The following PRDM5 variants were observed in gnomAD, a reference collection of about 807,000 sequenced individuals.
The protein encoded by PRDM5 is PR/SET domain 5.
A neutral mutation model predicts 81.2 loss-of-function variants in PRDM5; 56 were observed. The ratio of observed to expected loss-of-function variants is 0.69; its 90% CI spans 0.56 to 0.86. The LOEUF is 0.86. Among genes scored for constraint, PRDM5 ranks in the 40% least tolerant of loss-of-function variants. The pLI, the probability that PRDM5 is intolerant of heterozygous loss-of-function variation, is 0.00. For synonymous variants in PRDM5, 267 were observed against 256.4 expected (o/e 1.04, Z -0.39); for missense variants, 697 against 770.1 (o/e 0.91, Z 1.12).
intron 6 of PRDM5, 77 bp from the exon 7 acceptor site, chr4:120,816,651 T>C: frequency 6.3e-7 from 1 of 1,593,986 alleles, no homozygotes; most frequent in Non-Finnish European, 8.6e-7. Context: ...CAGCAAGATT[T>C]TGTAATACAT....
intron 3 of PRDM5, among the ~76,000 whole-genome samples, chr4:120,835,824 A>G (rs1003303006): frequency 6.6e-6 from 1 of 152,086 alleles, no homozygotes; most frequent in African/African-American, 2.4e-5. Context: ...AGGCGAAAGA[A>G]AAAAAAAGTG....
chr4:120,796,130 G>A (rs952816018), intron 10 of PRDM5, among the ~76,000 whole-genome samples: 3 of 151,998 alleles, frequency 2.0e-5, no homozygotes, highest in Non-Finnish European at 4.4e-5. Flanking sequence ...GACTCTTAAC[G>A]TTTTTTTCTA....
chr4:120,901,233 G>C (rs1160934117), intron 2 of PRDM5, among the ~76,000 whole-genome samples: 1 of 152,100 alleles, frequency 6.6e-6, no homozygotes, highest in African/African-American at 2.4e-5. Context: ...CCCTCACCCT[G>C]TTCCCACCAT....
chr4:120,754,707 C>T lies in PRDM5; in HGVS notation c.1538-69G>A, dbSNP rs1450126525. 22 of 1,084,290 alleles carry T rather than the reference C, an allele frequency of 2.0e-5. No homozygotes were observed. In the East Asian group the frequency reaches 5.2e-4, roughly 26 times the overall value. The allele number at this position is 1,084,290 out of a possible 1,614,324, so 67.2% of individuals were successfully genotyped here. On this transcript the variant is annotated intron_variant, in intron 13 of 15. Transcript: ENST00000264808. ...CAGAACCAGTCCTGTGCTATCACTT[C>T]TCACACACTCAGATCCTGGCCACCG... is the stretch of plus-strand genomic sequence containing the variant.
intron 14 of PRDM5, among the ~76,000 whole-genome samples, chr4:120,747,536 A>G (rs1285206448): frequency 6.6e-6 from 1 of 152,128 alleles, no homozygotes; most frequent in Non-Finnish European, 1.5e-5. Context: ...GATAAATTCA[A>G]AAGCGTCTGA....
In PRDM5 at chr4:120,781,186, T is replaced by C. The variant is rs779087603; in HGVS notation, c.1400A>G (p.Asn467Ser). ...RHKKYRCELCNKAFVTPSVLR... is the reference protein window; with the variant it reads ...RHKKYRCELCSKAFVTPSVLR... ...CACTGAAGGTGTAACAAAGGCCTTATTACATAGCTCACACCTATACTTCTT... is the reference window on the plus strand; with the variant it reads ...CACTGAAGGTGTAACAAAGGCCTTACTACATAGCTCACACCTATACTTCTT... The change falls in exon 12 of 16, where the codon AAT becomes AGT. Residue 467 changes from asparagine to serine, a missense_variant. Asn to Ser is a conservative substitution (Grantham distance 46). This residue lies in a region of PRDM5 where 577 missense variants were observed against 606.7 expected (regional missense o/e 0.95). Transcript: ENST00000264808. The C allele has an allele frequency of 1.9e-5, 30 of 1,613,362 alleles. 2 individuals are homozygous for C. In the South Asian group the frequency reaches 3.3e-4, roughly 18 times the overall value.
At chr4:120,869,194 C>T (rs1004668382) in intron 2 of PRDM5, among the ~76,000 whole-genome samples, 2 of 152,066 alleles carry the variant, frequency 1.3e-5, no homozygotes, top group African/African-American at 4.8e-5. Flanking sequence ...CTTCAAAGTA[C>T]TTCTGAGTAG....
At chr4:120,702,213 T>C (rs1735492001) in intron 15 of PRDM5, among the ~76,000 whole-genome samples, 1 of 152,202 alleles carries the variant, frequency 6.6e-6, no homozygotes, top group African/African-American at 2.4e-5. Context: ...TGAAATGACT[T>C]TTTGAAAACA....
intron 14 of PRDM5, among the ~76,000 whole-genome samples, chr4:120,749,913 G>T (rs1743726297): frequency 6.6e-6 from 1 of 152,072 alleles, no homozygotes; most frequent in African/African-American, 2.4e-5. Flanking sequence ...CTACTCTAAA[G>T]ATATGAGGTG....
intron 12 of PRDM5, among the ~76,000 whole-genome samples, chr4:120,778,218 C>G (rs1748468515): frequency 6.6e-6 from 1 of 151,972 alleles, no homozygotes; most frequent in African/African-American, 2.4e-5. Context: ...ATGTTATCAT[C>G]TAGGTTACAA....
intron 2 of PRDM5, among the ~76,000 whole-genome samples, chr4:120,898,437 A>G (rs548536113): frequency 2.0e-5 from 3 of 152,222 alleles, no homozygotes; most frequent in Admixed American, 2.0e-4. Flanking sequence ...AGCTCTACCT[A>G]TTTCTGTGTC....
At chr4:120,744,088 C>T (rs1157346150) in intron 14 of PRDM5, among the ~76,000 whole-genome samples, 3 of 152,128 alleles carry the variant, frequency 2.0e-5, no homozygotes, top group Non-Finnish European at 4.4e-5. Flanking sequence ...ATCTCTCAGA[C>T]CACAGTGCAA....
intron 8 of PRDM5, among the ~76,000 whole-genome samples, chr4:120,807,928 T>C (rs1753226277): frequency 6.6e-6 from 1 of 152,140 alleles, no homozygotes; most frequent in Admixed American, 6.5e-5. Flanking sequence ...GCTGCAGACC[T>C]TCGCGGTGAG....
intron 3 of PRDM5, among the ~76,000 whole-genome samples, chr4:120,846,394 A>T (rs144653707): frequency 1.7e-3 from 258 of 152,332 alleles, no homozygotes; most frequent in African/African-American, 5.9e-3. Flanking sequence ...CACCACCCTG[A>T]TCAATCAGCA....
intron 7 of PRDM5, among the ~76,000 whole-genome samples, chr4:120,813,670 A>C (rs1754136026): frequency 6.6e-6 from 1 of 152,206 alleles, no homozygotes. Flanking sequence ...GGCAAAATGA[A>C]TATCTGATAG....
intron 14 of PRDM5, among the ~76,000 whole-genome samples, chr4:120,717,071 A>AAAAC (rs1553947631): frequency 1.4e-4 from 21 of 151,868 alleles, no homozygotes; most frequent in Non-Finnish European, 2.4e-4. Context: ...TGAAAAAAAA[A>AAAAC]AAAAAAAACT....
intron 13 of PRDM5, among the ~76,000 whole-genome samples, chr4:120,763,547 T>G (rs974946911): frequency 5.3e-5 from 8 of 152,114 alleles, no homozygotes; most frequent in African/African-American, 1.9e-4. Flanking sequence ...GTTTTCAAGG[T>G]TCCCATCCAC....
At chr4:120,713,041 A>G (rs916788310) in intron 14 of PRDM5, among the ~76,000 whole-genome samples, 2 of 152,332 alleles carry the variant, frequency 1.3e-5, no homozygotes, top group Admixed American at 6.5e-5. Flanking sequence ...AACCAAGCTA[A>G]TAAACCATTT....
At chr4:120,758,010 G>C (rs73845486) in intron 13 of PRDM5, among the ~76,000 whole-genome samples, 9,523 of 151,896 alleles carry the variant, frequency 0.063, 518 homozygotes, top group African/African-American at 0.15. Flanking sequence ...TCATACTCCA[G>C]TACCTACATC....
Sources: allele counts gnomAD v4.1 joint callset (sites outside exome capture counted in the v4.1 genomes callset), GRCh38; gene constraint gnomAD v4.1.1; regional missense constraint gnomAD v4.1.1; transcripts MANE v1.5; gene names NCBI Gene and HGNC (gene_info 2026-07-23, HGNC 2026-07-21).